CHLSN: variants seen among roughly 807,000 people sequenced by gnomAD.
The protein encoded by CHLSN is cholesin, also known as protein cholesin.
At chr7:1,069,655 A>G in the CHLSN span, among the ~76,000 whole-genome samples, 2 of 105,198 alleles carry the variant, frequency 1.9e-5, no homozygotes, top group African/African-American at 4.8e-5. Context: ...TCAGTGCTCA[A>G]TGGTGCCCAG....
the CHLSN span, among the ~76,000 whole-genome samples, chr7:1,097,196 C>T: frequency 6.6e-6 from 1 of 152,228 alleles, no homozygotes; most frequent in Non-Finnish European, 1.5e-5. The surrounding 1 kb of genome is among the most constrained non-coding windows in gnomAD (Gnocchi z 4.3). Context: ...CTGCAGCCCA[C>T]CTGCACAGGG....
the CHLSN span, among the ~76,000 whole-genome samples, chr7:1,089,839 G>A: frequency 6.6e-6 from 1 of 151,282 alleles, no homozygotes; most frequent in African/African-American, 2.4e-5. Context: ...TCCCAGCACC[G>A]TGGGAGGCCA....
chr7:1,119,061 C>T, the CHLSN span, among the ~76,000 whole-genome samples: 12 of 151,716 alleles, frequency 7.9e-5, no homozygotes, highest in African/African-American at 2.7e-4. Context: ...GAGACCATCC[C>T]GGCCAACATG....
the CHLSN span, among the ~76,000 whole-genome samples, chr7:1,101,249 G>C: frequency 6.6e-6 from 1 of 152,268 alleles, no homozygotes; most frequent in Non-Finnish European, 1.5e-5. Context: ...GTGGAGGATG[G>C]AGCCTGGGAA....
At chr7:1,104,485 C>T in the CHLSN span, among the ~76,000 whole-genome samples, 1 of 152,226 alleles carries the variant, frequency 6.6e-6, no homozygotes, top group Non-Finnish European at 1.5e-5. Context: ...GTGCTGCACA[C>T]CCTGACGCCC....
At chr7:991,943 C>T in the CHLSN span, among the ~76,000 whole-genome samples, 1 of 152,172 alleles carries the variant, frequency 6.6e-6, no homozygotes, top group African/African-American at 2.4e-5. Flanking sequence ...ATTTGTCCTG[C>T]TTTATCCACG....
chr7:984,824 TG>T, the CHLSN span: 3 of 1,317,006 alleles, frequency 2.3e-6, no homozygotes, highest in Non-Finnish European at 3.1e-6. Flanking sequence ...GGGACGGGAG[TG>T]GGGATGGGGG....
the CHLSN span, among the ~76,000 whole-genome samples, chr7:1,135,948 AATATATAT>A: frequency 1.9e-5 from 2 of 102,640 alleles, no homozygotes; most frequent in African/African-American, 4.0e-5. Flanking sequence ...AGTATATATA[AATATATAT>A]AAATATATAT....
chr7:1,136,379 A>AATATATAAACATATATATAAAT, the CHLSN span, among the ~76,000 whole-genome samples: 26 of 100,194 alleles, frequency 2.6e-4, no homozygotes, highest in Non-Finnish European at 3.1e-4. Flanking sequence ...AATATATATA[A>AATATATAAACATATATATAAAT]ATATATAAAC....
At chr7:1,060,767 C>A in the CHLSN span, among the ~76,000 whole-genome samples, 2 of 152,238 alleles carry the variant, frequency 1.3e-5, no homozygotes, top group African/African-American at 2.4e-5. Context: ...AAGCCGCAGG[C>A]CTGACCTCCC....
chr7:1,068,080 G>C, the CHLSN span, among the ~76,000 whole-genome samples: 1 of 152,158 alleles, frequency 6.6e-6, no homozygotes, highest in Non-Finnish European at 1.5e-5. Context: ...TCCTCTCCCA[G>C]TAAGGTCCGC....
At chr7:1,069,495 G>C in the CHLSN span, among the ~76,000 whole-genome samples, 11,964 of 139,250 alleles carry the variant, frequency 0.086, 535 homozygotes, top group East Asian at 0.21. Context: ...GAGTGCCTGC[G>C]ATTGCAGGCA....
At chr7:1,112,190 A>G in the CHLSN span, among the ~76,000 whole-genome samples, 1 of 152,210 alleles carries the variant, frequency 6.6e-6, no homozygotes, top group African/African-American at 2.4e-5. Flanking sequence ...TTTCTGGAAT[A>G]TGGGGAAGTG....
chr7:986,572 G>C, the CHLSN span: 1 of 1,593,540 alleles, frequency 6.3e-7, no homozygotes, highest in Non-Finnish European at 8.6e-7. Flanking sequence ...CCTGCCCAGC[G>C]TGCAGCCCTG....
chr7:1,089,226 A>T, the CHLSN span, among the ~76,000 whole-genome samples: 1 of 152,228 alleles, frequency 6.6e-6, no homozygotes, highest in Non-Finnish European at 1.5e-5. Context: ...ATGCTGTTCA[A>T]TGGTATTATC....
At chr7:1,096,011 C>G in the CHLSN span, among the ~76,000 whole-genome samples, 3 of 152,210 alleles carry the variant, frequency 2.0e-5, no homozygotes, top group African/African-American at 7.2e-5. This position sits in a 1 kb window ranked among gnomAD's most constrained non-coding sequence, Gnocchi z 4.6. Flanking sequence ...GAACAGAGCC[C>G]CAGGCATCAA....
At chr7:1,011,398 C>T in the CHLSN span, among the ~76,000 whole-genome samples, 2 of 149,258 alleles carry the variant, frequency 1.3e-5, no homozygotes, top group Non-Finnish European at 3.0e-5. Flanking sequence ...CAGACACCCA[C>T]AGATACCCAA....
At chr7:1,009,123 C>G in the CHLSN span, among the ~76,000 whole-genome samples, 3 of 152,332 alleles carry the variant, frequency 2.0e-5, no homozygotes, top group Admixed American at 1.3e-4. Context: ...CACAGCCACA[C>G]TGGGGGTCAT....
chr7:1,107,611 G>A, the CHLSN span, among the ~76,000 whole-genome samples: 1 of 152,214 alleles, frequency 6.6e-6, no homozygotes, highest in African/African-American at 2.4e-5. Flanking sequence ...ACAGGGCTCT[G>A]AACTCTTTTT....
Sources: gnomAD v4.1 joint callset for allele counts (sites outside exome capture counted in the v4.1 genomes callset) on GRCh38, gnomAD v4.1.1 for gene constraint, Gnocchi (gnomAD v3.1) non-coding constraint, MANE v1.5 for transcripts, NCBI Gene and HGNC (gene_info 2026-07-23, HGNC 2026-07-21) for gene names.